Variants in ARHGEF26 observed in about 807,000 individuals in gnomAD.
ARHGEF26 encodes the protein Rho guanine nucleotide exchange factor 26.
In ARHGEF26, 59 loss-of-function variants were observed where a neutral mutation model predicts 89.4. The ratio of observed to expected loss-of-function variants is 0.66; its 90% CI spans 0.54 to 0.82. The LOEUF is 0.82. Ranked by LOEUF, ARHGEF26 falls within the 40% of genes least tolerant of loss-of-function variation. The probability of loss-of-function intolerance (pLI) is 0.00; values close to 1 mark genes in which losing one functional copy is unlikely to be tolerated. For synonymous variants in ARHGEF26, 500 were observed against 428.4 expected (o/e 1.17, Z -2.06); for missense variants, 1,234 against 1,085.6 (o/e 1.14, Z -1.92).
intron 12 of ARHGEF26, among the ~76,000 whole-genome samples, chr3:154,243,546 T>C (rs2108287996): frequency 6.6e-6 from 1 of 152,350 alleles, no homozygotes; most frequent in South Asian, 2.1e-4. Context: ...CCTTTTAATC[T>C]TGCCAAAGAC....
intron 9 of ARHGEF26, among the ~76,000 whole-genome samples, chr3:154,206,476 A>C (rs1715026926): frequency 6.6e-6 from 1 of 152,200 alleles, no homozygotes; most frequent in Admixed American, 6.5e-5. Flanking sequence ...AGAGTGGGCG[A>C]TCCAAGAGCT....
At chr3:154,185,745 G>A (rs1713486816) in intron 6 of ARHGEF26, among the ~76,000 whole-genome samples, 1 of 152,126 alleles carries the variant, frequency 6.6e-6, no homozygotes. Flanking sequence ...AGATAGGCAG[G>A]CATGGCTGAA....
At chr3:154,149,134 G>GT (rs1719861615) in intron 4 of ARHGEF26, among the ~76,000 whole-genome samples, 1 of 152,108 alleles carries the variant, frequency 6.6e-6, no homozygotes, top group Non-Finnish European at 1.5e-5. Flanking sequence ...GAAAAGAACA[G>GT]TATCAGCTTT....
chr3:154,156,906 T>G (rs374878928), intron 6 of ARHGEF26, among the ~76,000 whole-genome samples: 10 of 152,338 alleles, frequency 6.6e-5, no homozygotes, highest in East Asian at 1.9e-4. Flanking sequence ...GTTTTACTTT[T>G]ACCTAATGAA....
chr3:154,242,314 T>C (rs999976318), intron 12 of ARHGEF26, among the ~76,000 whole-genome samples: 2 of 152,198 alleles, frequency 1.3e-5, no homozygotes, highest in African/African-American at 4.8e-5. Context: ...CATAATTTCA[T>C]GGGAGGAGAT....
chr3:154,130,340 C>T (rs566656534), intron 4 of ARHGEF26, among the ~76,000 whole-genome samples: 7 of 151,912 alleles, frequency 4.6e-5, no homozygotes, highest in African/African-American at 7.2e-5. Context: ...GAGATTTCAC[C>T]GTATTGGCCA....
chr3:154,142,805 AC>A (rs1427662795), intron 4 of ARHGEF26, among the ~76,000 whole-genome samples: 2 of 152,196 alleles, frequency 1.3e-5, no homozygotes, highest in African/African-American at 4.8e-5. Context: ...ATTCTCAGTT[AC>A]GCAGACTCCT....
Position 154,256,228 on chromosome 3 carries a change from G to C in ARHGEF26, c.*755G>C, listed in dbSNP as rs1385810461. Reference sequence around the variant, plus strand: ...TATATGTGAGAAAAACCTGAATATAGGACAGGGGTCCTACTTTTTTCCCCA... The same window carrying C: ...TATATGTGAGAAAAACCTGAATATACGACAGGGGTCCTACTTTTTTCCCCA... On this transcript the variant is annotated 3_prime_UTR_variant, in exon 15 of 15. Transcript: ENST00000465093. 2 of 985,344 alleles carry C rather than the reference G, an allele frequency of 2.0e-6. No individual in the cohort carries two copies. Among genetic ancestry groups the C allele is most frequent in the Non-Finnish European group, 2.4e-6 (2 of 830,004 alleles). 61.0% of individuals were successfully genotyped at this position (985,344 alleles called of 1,614,324 possible).
Position 154,122,858 on chromosome 3 carries a change from T to C in ARHGEF26, c.866T>C (p.Leu289Pro), listed in dbSNP as rs759154435. The change falls in exon 2 of 15, where the codon CTG becomes CCG. Residue 289 changes from leucine (L) to proline (P), a missense_variant. Physicochemically the swap from Leu to Pro is moderately conservative, Grantham distance 98 (BLOSUM62 -3). Transcript: ENST00000465093. ...ATGGTGGAGGGCCTAGGAGGACCCC[T>C]GGGTCACGCAGGGGAGGAGAGTGAG... ...RSMVEGLGGP[L>P]GHAGEESEVD... 1.2e-6 allele frequency: 2 copies of C among 1,612,950 alleles called. No homozygotes were observed. The highest frequency in any genetic ancestry group is 3.3e-5 in the Admixed American group (2 of 59,840).
At chr3:154,239,967 G>C (rs373063990) in intron 11 of ARHGEF26, among the ~76,000 whole-genome samples, 13 of 152,154 alleles carry the variant, frequency 8.5e-5, no homozygotes, top group East Asian at 3.9e-4. Context: ...GGGGGTTTGG[G>C]GGGTGAGGTC....
intron 6 of ARHGEF26, among the ~76,000 whole-genome samples, chr3:154,179,614 G>C (rs533789564): frequency 3.3e-5 from 5 of 152,298 alleles, no homozygotes; most frequent in Admixed American, 1.3e-4. Context: ...GTCTAGAATA[G>C]AGCCTGGCAC....
intron 6 of ARHGEF26, among the ~76,000 whole-genome samples, chr3:154,168,171 T>A (rs1404024686): frequency 1.3e-5 from 2 of 152,210 alleles, no homozygotes; most frequent in Non-Finnish European, 2.9e-5. Context: ...GTATCCCAGA[T>A]CTCACAGCTA....
chr3:154,228,133 A>AG (rs1716600725), intron 11 of ARHGEF26, among the ~76,000 whole-genome samples: 1 of 129,954 alleles, frequency 7.7e-6, no homozygotes, highest in Non-Finnish European at 1.6e-5. Context: ...GGAGTCTTTG[A>AG]GAATTTTTTT....
At chr3:154,190,398 A>C (rs1713882496) in intron 7 of ARHGEF26, among the ~76,000 whole-genome samples, 1 of 152,208 alleles carries the variant, frequency 6.6e-6, no homozygotes, top group Non-Finnish European at 1.5e-5. Context: ...AATCCCAGTT[A>C]CTTGTGAGGC....
chr3:154,240,386 G>T lies in ARHGEF26; in HGVS notation c.2107G>T (p.Val703Phe). Residue 703 changes from valine to phenylalanine, a missense_variant, in exon 12 of 15, where the codon GTC becomes TTC. By Grantham distance (50) the Val-to-Phe change is conservative. Transcript: ENST00000465093. Reference sequence around the variant, plus strand: ...CCTTTACAGTGAAGAAAGTTACAACGTCAATGATTATTCCTTAAGAGATCA... The same window carrying T: ...CCTTTACAGTGAAGAAAGTTACAACTTCAATGATTATTCCTTAAGAGATCA... Reference protein sequence around the residue: ...TKKKSEESYNVNDYSLRDQLL... With the variant: ...TKKKSEESYNFNDYSLRDQLL... 1 of 1,608,552 alleles carries T rather than the reference G, an allele frequency of 6.2e-7. No individual in the cohort carries two copies. The highest frequency in any genetic ancestry group is 1.1e-5 in the South Asian group (1 of 90,462).
chr3:154,166,277 C>T (rs1358813301), intron 6 of ARHGEF26, among the ~76,000 whole-genome samples: 1 of 152,144 alleles, frequency 6.6e-6, no homozygotes, highest in Non-Finnish European at 1.5e-5. Context: ...GTCTCGATCT[C>T]CTGACCTCAT....
chr3:154,247,027 T>C (rs559737095), intron 12 of ARHGEF26, among the ~76,000 whole-genome samples: 2 of 152,294 alleles, frequency 1.3e-5, no homozygotes, highest in South Asian at 4.2e-4. Context: ...ATTAACAGGC[T>C]TCCTAGTTTC....
intron 6 of ARHGEF26, among the ~76,000 whole-genome samples, chr3:154,158,380 T>G (rs1459836887): frequency 1.3e-5 from 2 of 152,216 alleles, no homozygotes; most frequent in African/African-American, 4.8e-5. Flanking sequence ...AATTGTTTGT[T>G]TTCTAACCCT....
intron 6 of ARHGEF26, among the ~76,000 whole-genome samples, chr3:154,154,069 A>G (rs1335869463): frequency 6.6e-6 from 1 of 152,066 alleles, no homozygotes; most frequent in Non-Finnish European, 1.5e-5. Context: ...TTCTTTATTC[A>G]TTTATTAGCT....
Sources: gnomAD v4.1 joint callset for allele counts (sites outside exome capture counted in the v4.1 genomes callset) on GRCh38, gnomAD v4.1.1 for gene constraint, MANE v1.5 for transcripts, NCBI Gene and HGNC (gene_info 2026-07-23, HGNC 2026-07-21) for gene names.